ACAP2: variants seen among roughly 807,000 people sequenced by gnomAD.
ACAP2 encodes the protein ArfGAP with coiled-coil, ankyrin repeat and PH domains 2.
ACAP2 carries 39 observed loss-of-function variants against 115.8 expected under a neutral mutation model. That is an observed-to-expected ratio of 0.34 (90% confidence interval 0.26 to 0.44). The LOEUF is 0.44. ACAP2 is among the 20% of genes least tolerant of loss of function. The pLI is 1.00. For synonymous variants in ACAP2, 289 were observed against 315.8 expected, an observed-to-expected ratio of 0.92 and a Z score of 0.90; for missense variants, 662 against 927.6, an observed-to-expected ratio of 0.71 and a Z score of 3.72.
chr3:195,424,224 ATG>A (rs10576915), intron 1 of ACAP2, among the ~76,000 whole-genome samples: 42,614 of 112,694 alleles, frequency 0.38, 9,089 homozygotes, highest in African/African-American at 0.53. Flanking sequence ...GAATGGTCAT[ATG>A]TGTGTGTGTG....
chr3:195,381,861 CTTT>C, intron 3 of ACAP2, 39 bp downstream of exon 3: 3 of 1,386,062 alleles, frequency 2.2e-6, no homozygotes, highest in East Asian at 5.2e-5. Flanking sequence ...TGTCTTATTG[CTTT>C]TTTTTTTCAT....
chr3:195,380,174 G>T (rs116803601), intron 4 of ACAP2, among the ~76,000 whole-genome samples: 232 of 152,034 alleles, frequency 1.5e-3, no homozygotes, highest in African/African-American at 5.4e-3. Context: ...AGGCACTCAA[G>T]CAGATACTTG....
intron 4 of ACAP2, among the ~76,000 whole-genome samples, chr3:195,365,664 A>C (rs1732665439): frequency 1.3e-5 from 2 of 151,968 alleles, no homozygotes; most frequent in African/African-American, 4.8e-5. Context: ...TCCGGAATCT[A>C]TAGAAAAGGG....
intron 1 of ACAP2, among the ~76,000 whole-genome samples, chr3:195,433,870 G>T (rs890003730): frequency 1.3e-5 from 2 of 152,086 alleles, no homozygotes; most frequent in Non-Finnish European, 1.5e-5. Context: ...AAAGATTTTT[G>T]TATCTGCATT....
At chr3:195,366,980 A>G (rs1732765926) in intron 4 of ACAP2, among the ~76,000 whole-genome samples, 1 of 148,946 alleles carries the variant, frequency 6.7e-6, no homozygotes, top group African/African-American at 2.5e-5. Flanking sequence ...GTGTAAAAGT[A>G]GCCATAGACA....
intron 1 of ACAP2, among the ~76,000 whole-genome samples, chr3:195,412,101 G>C (rs1713313152): frequency 7.1e-6 from 1 of 140,052 alleles, no homozygotes; most frequent in Non-Finnish European, 1.5e-5. Flanking sequence ...AAGAAAGGAG[G>C]ATTGCTTGAA....
At chr3:195,355,084 G>T (rs1449946828) in intron 4 of ACAP2, among the ~76,000 whole-genome samples, 1 of 151,998 alleles carries the variant, frequency 6.6e-6, no homozygotes, top group Non-Finnish European at 1.5e-5. Context: ...GCCTGATCTC[G>T]AACTCCTGAC....
intron 1 of ACAP2, among the ~76,000 whole-genome samples, chr3:195,430,964 T>A (rs1431273030): frequency 6.6e-6 from 1 of 152,030 alleles, no homozygotes; most frequent in Non-Finnish European, 1.5e-5. Flanking sequence ...ATATTTAGAG[T>A]TCTACAACCA....
intron 4 of ACAP2, among the ~76,000 whole-genome samples, chr3:195,357,525 G>A (rs1732055240): frequency 6.6e-6 from 1 of 152,196 alleles, no homozygotes; most frequent in African/African-American, 2.4e-5. Flanking sequence ...ACATGGGCAA[G>A]ACACGGTGCT....
intron 22 of ACAP2, chr3:195,280,806 T>C (rs1202437379): frequency 1.3e-5 from 2 of 152,252 alleles, no homozygotes; most frequent in South Asian, 2.1e-4. Context: ...TGCTAAACAT[T>C]AGCCTTATAC....
At chr3:195,424,297 T>A (rs1283415683) in intron 1 of ACAP2, among the ~76,000 whole-genome samples, 6,367 of 79,366 alleles carry the variant, frequency 0.08, 153 homozygotes, top group Admixed American at 0.13. Context: ...TTTTTTTTTT[T>A]TTTTTTTTTT....
chr3:195,342,182 A>G (rs1440959339), intron 6 of ACAP2, among the ~76,000 whole-genome samples: 1 of 152,238 alleles, frequency 6.6e-6, no homozygotes, highest in Admixed American at 6.5e-5. Flanking sequence ...TTAAATTGAC[A>G]TAACAACTCC....
At position 195,392,151 on chromosome 3, in the gene ACAP2, G is replaced by A. The variant is rs770701707; in HGVS notation, c.54-4C>T. 4.4e-6 allele frequency: 7 copies of A among 1,608,354 alleles called. No homozygotes were observed. Among genetic ancestry groups the A allele is most frequent in the Non-Finnish European group, 6.0e-6 (7 of 1,176,420 alleles). ...TTCTACTTCTTCCAAAGCTGCCCTA[G>A]AAAAATTAAATATAAAATAAGTTAT... On this transcript the variant is annotated splice_polypyrimidine_tract_variant and splice_region_variant and intron_variant, in intron 1 of 22. Coordinates refer to ENST00000326793, the MANE Select transcript of ACAP2 (RefSeq NM_012287.6).
chr3:195,411,700 G>A (rs1037851576), intron 1 of ACAP2, among the ~76,000 whole-genome samples: 6 of 150,678 alleles, frequency 4.0e-5, no homozygotes, highest in African/African-American at 1.5e-4. Context: ...ATCAAACCAC[G>A]GAGAGACTTA....
intron 1 of ACAP2, among the ~76,000 whole-genome samples, chr3:195,442,510 T>G (rs1716087906): frequency 6.6e-6 from 1 of 151,790 alleles, no homozygotes; most frequent in South Asian, 2.1e-4. Context: ...GCACCCCATT[T>G]CCCCCAGCGG....
intron 6 of ACAP2, among the ~76,000 whole-genome samples, chr3:195,337,860 G>C (rs1205963446): frequency 2.0e-5 from 3 of 147,748 alleles, no homozygotes; most frequent in Non-Finnish European, 3.0e-5. Context: ...TTACCTCTTC[G>C]ACCTAGTTTT....
intron 1 of ACAP2, among the ~76,000 whole-genome samples, chr3:195,395,017 G>A (rs575732710): frequency 2.8e-5 from 4 of 144,244 alleles, no homozygotes; most frequent in Non-Finnish European, 2.9e-5. Flanking sequence ...AAATCAATTC[G>A]CAGATGAATA....
intron 4 of ACAP2, among the ~76,000 whole-genome samples, chr3:195,370,514 T>C (rs1733052793): frequency 6.6e-6 from 1 of 152,184 alleles, no homozygotes; most frequent in Non-Finnish European, 1.5e-5. Context: ...TTTCCCTCAT[T>C]ACTTGTTTCT....
At chr3:195,431,449 T>C (rs1715116378) in intron 1 of ACAP2, among the ~76,000 whole-genome samples, 1 of 152,050 alleles carries the variant, frequency 6.6e-6, no homozygotes, top group Admixed American at 6.6e-5. Context: ...TTTTCTTTTT[T>C]TTCCCCAAGA....
Sources: allele counts gnomAD v4.1 joint callset (sites outside exome capture counted in the v4.1 genomes callset), GRCh38; gene constraint gnomAD v4.1.1; transcripts MANE v1.5; gene names NCBI Gene and HGNC (gene_info 2026-07-23, HGNC 2026-07-21).